Variants in RPF1 observed in about 807,000 individuals in gnomAD.
RPF1 encodes the protein ribosome production factor 1 homolog.
RPF1 carries 34 observed loss-of-function variants against 41.9 expected under a neutral mutation model. The observed-to-expected ratio is 0.81, with a 90% CI of 0.62 to 1.08. RPF1 has a LOEUF of 1.08. RPF1 is among the 50% of genes least tolerant of loss of function. The probability of loss-of-function intolerance (pLI) is 0.00; values close to 1 mark genes in which losing one functional copy is unlikely to be tolerated. For synonymous variants in RPF1, 140 were observed against 148.9 expected (o/e 0.94, Z 0.43); for missense variants, 425 against 435.2 (o/e 0.98, Z 0.21).
At chr1:84,479,625 G>T (rs1260186536) in intron 1 of RPF1, 116 bp downstream of exon 1, 2 of 958,076 alleles carry the variant, frequency 2.1e-6, no homozygotes, top group Non-Finnish European at 3.1e-6. Flanking sequence ...CTGTGGCTCC[G>T]TGGGAAGGGT....
intron 3 of RPF1, among the ~76,000 whole-genome samples, chr1:84,488,041 C>T (rs1681764549): frequency 6.6e-6 from 1 of 152,092 alleles, no homozygotes. Flanking sequence ...GTCAGTTTGT[C>T]ACTGCATCAT....
At chr1:84,479,648 C>G (rs1324670593) in intron 1 of RPF1, 139 bp downstream of exon 1, 2 of 775,790 alleles carry the variant, frequency 2.6e-6, no homozygotes, top group African/African-American at 3.5e-5. Context: ...CGTCGCGGCC[C>G]ACGTGTTCTG....
At chr1:84,486,985 A>G (rs1238471403) in intron 3 of RPF1, among the ~76,000 whole-genome samples, 3 of 152,154 alleles carry the variant, frequency 2.0e-5, no homozygotes, top group African/African-American at 4.8e-5. Context: ...GGGGAAATCA[A>G]GAGTTCAGTT....
chr1:84,495,177 G>T (rs963906980), intron 5 of RPF1, among the ~76,000 whole-genome samples, 196 bp from the exon 6 acceptor site: 2 of 152,146 alleles, frequency 1.3e-5, no homozygotes, highest in African/African-American at 2.4e-5. Context: ...CTCTAGGTTA[G>T]TCTATATTCT....
intron 5 of RPF1, among the ~76,000 whole-genome samples, chr1:84,492,525 C>T (rs960415254): frequency 3.9e-5 from 6 of 152,098 alleles, no homozygotes; most frequent in African/African-American, 1.4e-4. Flanking sequence ...CACTCAATTT[C>T]CTCGTTTTTT....
Position 84,497,748 on chromosome 1 carries a change from C to T in RPF1, c.*278C>T, listed in dbSNP as rs1400483266. 1 of 312,152 alleles carries T rather than the reference C, an allele frequency of 3.2e-6. No individual in the cohort carries two copies. The highest frequency in any genetic ancestry group is 2.2e-5 in the African/African-American group (1 of 45,708). 19.3% of individuals were successfully genotyped at this position (312,152 alleles called of 1,614,324 possible). ...GGAATCAAGATTCAGATTAACTTTC[C>T]TATTTGCATAGAACACATGAGAGGA... On this transcript the variant is annotated 3_prime_UTR_variant, in exon 9 of 9. Transcript: ENST00000370654.
At chr1:84,481,055 G>T in intron 2 of RPF1, 43 bp downstream of exon 2, 2 of 1,098,892 alleles carry the variant, frequency 1.8e-6, no homozygotes, top group Non-Finnish European at 1.4e-6. Flanking sequence ...CTTATATTAG[G>T]GAATCCCTCC....
At chr1:84,486,269 A>G (rs1239190895) in intron 3 of RPF1, among the ~76,000 whole-genome samples, 1 of 152,102 alleles carries the variant, frequency 6.6e-6, no homozygotes, top group East Asian at 1.9e-4. Flanking sequence ...TAGTGAAATG[A>G]AGAGCCACTG....
intron 1 of RPF1, among the ~76,000 whole-genome samples, chr1:84,480,194 C>T (rs1430122407): frequency 6.6e-6 from 1 of 152,090 alleles, no homozygotes; most frequent in African/African-American, 2.4e-5. Flanking sequence ...GGGACTGGTT[C>T]TTACTCATGT....
At chr1:84,489,929 T>C (rs2101885486) in intron 4 of RPF1, among the ~76,000 whole-genome samples, 1 of 152,348 alleles carries the variant, frequency 6.6e-6, no homozygotes, top group African/African-American at 2.4e-5. Flanking sequence ...AACCTCAACA[T>C]TGTTAACATT....
In RPF1 at chr1:84,496,312, G is replaced by C. The variant is rs1419370225; in HGVS notation, c.950G>C (p.Arg317Thr). ...ELGPRFTLKL[R>T]SLQKGTFDSK... ...GGACCACGTTTTACCTTAAAATTAA[G>C]GTCTCTTCAGAAAGGAACCTTTGAT... Residue 317 changes from arginine to threonine, a missense_variant, in exon 8 of 9, where the codon AGG (arginine) becomes ACG (threonine). Transcript: ENST00000370654. The C allele has an allele frequency of 6.2e-7, 1 of 1,612,982 alleles. No homozygotes were observed. Among genetic ancestry groups the C allele is most frequent in the Admixed American group, 1.7e-5 (1 of 59,990 alleles).
Position 84,479,399 on chromosome 1 carries a change from G to C in RPF1, c.118G>C (p.Val40Leu). ...TGGGGATGGGGCGACGGAAAACGGG[G>C]TCCAACCCCCGAAAGCGGCTGCCTT... ...GAGDGATENG[V>L]QPPKAAAFPP... Residue 40 changes from valine to leucine, a missense_variant, in exon 1 of 9, where the codon GTC (valine) becomes CTC (leucine). Physicochemically the swap from Val to Leu is conservative, Grantham distance 32 (BLOSUM62 1). Transcript: ENST00000370654. 6.2e-7 allele frequency: 1 copy of C among 1,614,230 alleles called. No individual in the cohort carries two copies. The highest frequency in any genetic ancestry group is 8.5e-7 in the Non-Finnish European group (1 of 1,180,032).
chr1:84,483,191 C>A, intron 3 of RPF1, 196 bp downstream of exon 3: 2 of 528,204 alleles, frequency 3.8e-6, no homozygotes, highest in Non-Finnish European at 6.9e-6. Context: ...TAGAAAAATT[C>A]TATAAAAATT....
At chr1:84,492,797 TTCTAAATGCCAGTAA>T (rs1165681491) in intron 5 of RPF1, among the ~76,000 whole-genome samples, 3 of 152,200 alleles carry the variant, frequency 2.0e-5, no homozygotes, top group Non-Finnish European at 4.4e-5. Flanking sequence ...GGCCTTTGGA[TTCTAAATGCCAGTAA>T]CACCTCAGTC....
Position 84,490,299 on chromosome 1 carries a change from TTTG to T in RPF1, c.463-17_463-15del, listed in dbSNP as rs765509673. 4 of 1,502,734 alleles carry T rather than the reference TTTG, an allele frequency of 2.7e-6. No homozygotes were observed. The highest frequency in any genetic ancestry group is 3.6e-6 in the Non-Finnish European group (4 of 1,125,100). The allele number at this position is 1,502,734 out of a possible 1,614,324, so 93.1% of individuals were successfully genotyped here. ...TCTTTTTTGAAAACTATTCAAAATT[TTTG>T]TTATTTTGTTTTGCAGAGAACAGTA... On this transcript the variant is annotated splice_polypyrimidine_tract_variant and intron_variant, in intron 4 of 8. Transcript: ENST00000370654.
At chr1:84,481,264 T>G (rs879681434) in intron 2 of RPF1, among the ~76,000 whole-genome samples, 3 of 152,178 alleles carry the variant, frequency 2.0e-5, no homozygotes, top group Non-Finnish European at 4.4e-5. Context: ...TCGTGAAATT[T>G]TTGATTATTT....
intron 6 of RPF1, 22 bp downstream of exon 6, chr1:84,495,477 G>T: frequency 1.0e-6 from 1 of 956,986 alleles, no homozygotes; most frequent in Non-Finnish European, 1.6e-6. Flanking sequence ...ACATTTCTTT[G>T]ATTGGCATTG....
intron 3 of RPF1, 30 bp downstream of exon 3, chr1:84,483,025 A>G: frequency 7.8e-7 from 1 of 1,280,608 alleles, no homozygotes; most frequent in South Asian, 1.2e-5. Flanking sequence ...ATTAGTTTGA[A>G]TGATCACATA....
At chr1:84,485,911 CTTGA>C (rs1406267542) in intron 3 of RPF1, among the ~76,000 whole-genome samples, 1 of 151,906 alleles carries the variant, frequency 6.6e-6, no homozygotes, top group Non-Finnish European at 1.5e-5. Flanking sequence ...TTTTTTTCCC[CTTGA>C]TTGATTGATT....
Sources: gnomAD v4.1 joint callset for allele counts (sites outside exome capture counted in the v4.1 genomes callset) on GRCh38, gnomAD v4.1.1 for gene constraint, MANE v1.5 for transcripts, NCBI Gene and HGNC (gene_info 2026-07-23, HGNC 2026-07-21) for gene names.